The following CELF2 variants were observed in gnomAD, a reference collection of about 807,000 sequenced individuals.
CELF2 encodes CUGBP Elav-like family member 2.
CELF2 carries 8 observed loss-of-function variants against 62.6 expected under a neutral mutation model. The ratio of observed to expected loss-of-function variants is 0.13; its 90% CI spans 0.07 to 0.23. The LOEUF (loss-of-function observed/expected upper bound fraction) is 0.23. CELF2 is among the 10% of genes least tolerant of loss of function. CELF2 has a pLI of 1.00. For synonymous variants in CELF2, 258 were observed against 250.0 expected (o/e 1.03, Z -0.30); for missense variants, 333 against 671.0 (o/e 0.50, Z 5.56).
chr10:11,135,553 A>C (rs1209804196), intron 1 of CELF2, among the ~76,000 whole-genome samples: 1 of 152,264 alleles, frequency 6.6e-6, no homozygotes, highest in Non-Finnish European at 1.5e-5. Context: ...GCTACAGGAA[A>C]GACCCTTGCC....
the CELF2 span, among the ~76,000 whole-genome samples, chr10:10,477,662 A>G: frequency 1.6e-4 from 25 of 151,994 alleles, no homozygotes; most frequent in African/African-American, 5.8e-4. Flanking sequence ...GACTGTTTTT[A>G]TATGACCCTT....
chr10:11,262,652 C>A (rs2081011519), intron 5 of CELF2, among the ~76,000 whole-genome samples: 1 of 152,174 alleles, frequency 6.6e-6, no homozygotes, highest in African/African-American at 2.4e-5. Flanking sequence ...AACTCAGCAT[C>A]AGGGATGGCC....
intron 2 of CELF2, among the ~76,000 whole-genome samples, chr10:11,216,608 C>A (rs58712582): frequency 0.054 from 8,218 of 152,290 alleles, 343 homozygotes; most frequent in African/African-American, 0.11. Flanking sequence ...AAGCCCTCCT[C>A]CAGGATGCAG....
the CELF2 span, among the ~76,000 whole-genome samples, chr10:10,739,707 A>G: frequency 6.6e-6 from 1 of 152,154 alleles, no homozygotes; most frequent in Admixed American, 6.5e-5. Context: ...ATGTCTCCTT[A>G]GTTTCCCCCA....
At chr10:11,136,065 C>T (rs1446486098) in intron 1 of CELF2, among the ~76,000 whole-genome samples, 3 of 152,170 alleles carry the variant, frequency 2.0e-5, no homozygotes, top group Non-Finnish European at 4.4e-5. Flanking sequence ...TGTACAAAAA[C>T]AGATGCAGAA....
intron 2 of CELF2, among the ~76,000 whole-genome samples, chr10:10,948,672 G>C (rs545997156): frequency 4.7e-4 from 71 of 152,218 alleles, no homozygotes; most frequent in African/African-American, 1.7e-3. Flanking sequence ...GAAGCTCCAT[G>C]GTTTCCTTTC....
At chr10:10,894,185 A>G (rs767053124) in intron 1 of CELF2, among the ~76,000 whole-genome samples, 55 of 152,208 alleles carry the variant, frequency 3.6e-4, no homozygotes, top group Non-Finnish European at 6.3e-4. Flanking sequence ...GTAAGCTCAG[A>G]AGTTTACCAC....
chr10:11,226,549 G>A (rs113038021), intron 3 of CELF2, among the ~76,000 whole-genome samples: 3 of 152,124 alleles, frequency 2.0e-5, no homozygotes, highest in African/African-American at 7.2e-5. Context: ...GCATGGACCT[G>A]CTGACAGGGT....
chr10:11,251,131 G>C (rs2076999896), intron 4 of CELF2, among the ~76,000 whole-genome samples: 1 of 152,132 alleles, frequency 6.6e-6, no homozygotes, highest in South Asian at 2.1e-4. Flanking sequence ...GAGTATTCAG[G>C]ACAAGGACCA....
Position 11,008,729 on chromosome 10 carries a change from A to C in CELF2, c.53+3289A>C, listed in dbSNP as rs1388835741. 6.6e-6 allele frequency among the ~76,000 whole-genome samples: 1 copy of C among 152,236 alleles called. No individual in the cohort carries two copies. The highest frequency in any genetic ancestry group is 1.5e-5 in the Non-Finnish European group (1 of 68,044). On this transcript the variant is annotated intron_variant, in intron 1 of 12. Transcript: ENST00000416382. This position sits in a 1 kb window ranked among gnomAD's most constrained non-coding sequence, Gnocchi z 4.5. ...ACGATCATTCTGTATTTAAGGTGTC[A>C]GAATTCATAGACGAAAAGCATACCT...
At chr10:11,215,164 G>A (rs1281773330) in intron 2 of CELF2, among the ~76,000 whole-genome samples, 1 of 152,178 alleles carries the variant, frequency 6.6e-6, no homozygotes, top group Non-Finnish European at 1.5e-5. Context: ...AATAGCAGAA[G>A]GACTACACCT....
intron 1 of CELF2, among the ~76,000 whole-genome samples, chr10:10,830,828 C>A (rs1441166438): frequency 6.6e-6 from 1 of 152,110 alleles, no homozygotes; most frequent in African/African-American, 2.4e-5. Flanking sequence ...TGCCTAGCTG[C>A]AAAACACAAA....
At chr10:10,585,115 G>A in the CELF2 span, among the ~76,000 whole-genome samples, 1,477 of 152,230 alleles carry the variant, frequency 9.7e-3, 32 homozygotes, top group East Asian at 0.095. Flanking sequence ...TTTGAGAATG[G>A]CTGGAAGCAA....
the CELF2 span, among the ~76,000 whole-genome samples, chr10:10,717,669 A>G: frequency 6.6e-6 from 1 of 152,196 alleles, no homozygotes; most frequent in Non-Finnish European, 1.5e-5. Context: ...ATTTATCACC[A>G]TTGTATGTGG....
the CELF2 span, among the ~76,000 whole-genome samples, chr10:10,650,754 T>G: frequency 6.6e-6 from 1 of 152,204 alleles, no homozygotes; most frequent in African/African-American, 2.4e-5. Flanking sequence ...TGCAACCACT[T>G]TGGAAAAAGT....
chr10:11,144,393 T>C (rs1313950133), intron 1 of CELF2, among the ~76,000 whole-genome samples: 3 of 152,278 alleles, frequency 2.0e-5, no homozygotes, highest in South Asian at 2.1e-4. Context: ...TGAAACACAG[T>C]GCTCGGTGCA....
In CELF2 at chr10:11,268,962, T is replaced by C. The variant is rs1353428233; in HGVS notation, c.619-1704T>C. The stretch of plus-strand genomic sequence containing the variant: ...GCCCTGTGTTTCATGGTTTAAAAAA[T>C]CATTTTTAAGCTATAATCATTGGCC... On this transcript the variant is annotated intron_variant, in intron 6 of 12. Coordinates refer to ENST00000633077, the MANE Select transcript of CELF2 (RefSeq NM_001326342.2). The surrounding 1 kb of genome is among the most constrained non-coding windows in gnomAD (Gnocchi z 4.7). Among the ~76,000 whole-genome samples the C allele has an allele frequency of 2.6e-5, 4 of 152,220 alleles. No individual in the cohort carries two copies. The highest frequency in any genetic ancestry group is 6.5e-5 in the Admixed American group (1 of 15,290).
rs865785779 is a variant in CELF2, at chr10:10,973,818, G to A, written c.89+53819G>A. Among the ~76,000 whole-genome samples, 9 of 152,190 alleles carry A rather than the reference G, an allele frequency of 5.9e-5. No homozygotes were observed. In the South Asian group the frequency reaches 1.9e-3, roughly 32 times the overall value. ...TCTGCGCCCCAACTACCCTCCCCCTGCAGCCTCCCAAAGTGCTGGGATTAC... is the reference window on the plus strand; with the variant it reads ...TCTGCGCCCCAACTACCCTCCCCCTACAGCCTCCCAAAGTGCTGGGATTAC... On this transcript the variant is annotated intron_variant, in intron 2 of 13. Coordinates refer to the CELF2 transcript ENST00000636488.
chr10:10,655,192 A>G, the CELF2 span, among the ~76,000 whole-genome samples: 1 of 146,864 alleles, frequency 6.8e-6, no homozygotes, highest in Non-Finnish European at 1.5e-5. Context: ...AAGGAGAACT[A>G]CAAACCACTG....
Sources: allele counts gnomAD v4.1 joint callset (sites outside exome capture counted in the v4.1 genomes callset), GRCh38; gene constraint gnomAD v4.1.1; non-coding constraint Gnocchi (gnomAD v3.1); transcripts MANE v1.5; gene names NCBI Gene and HGNC (gene_info 2026-07-23, HGNC 2026-07-21).